Variants in NOD1 observed in about 807,000 individuals in gnomAD.
NOD1 encodes nucleotide-binding oligomerization domain-containing protein 1.
A neutral mutation model predicts 81.2 loss-of-function variants in NOD1; 70 were observed. The observed-to-expected ratio is 0.86, with a 90% CI of 0.71 to 1.05. The LOEUF is 1.05. Among genes scored for constraint, NOD1 ranks in the 50% least tolerant of loss-of-function variants. The pLI, the probability that NOD1 is intolerant of heterozygous loss-of-function variation, is 0.00. For synonymous variants in NOD1, 508 were observed against 526.9 expected (o/e 0.96, Z 0.49); for missense variants, 1,233 against 1,228.0 (o/e 1.00, Z -0.06).
At chr7:30,469,247 T>C (rs1287701726) in intron 1 of NOD1, 4 of 985,114 alleles carry the variant, frequency 4.1e-6, no homozygotes, top group African/African-American at 1.7e-5. Context: ...ATTTAGCAGA[T>C]GGATGAAGCT....
intron 5 of NOD1, among the ~76,000 whole-genome samples, chr7:30,453,559 C>T (rs973045877): frequency 1.3e-5 from 2 of 152,158 alleles, no homozygotes; most frequent in Non-Finnish European, 2.9e-5. Flanking sequence ...AGCTGGGACA[C>T]AGGCATATGC....
intron 11 of NOD1, among the ~76,000 whole-genome samples, chr7:30,434,414 C>T (rs1228679083): frequency 2.0e-5 from 3 of 152,116 alleles, no homozygotes; most frequent in East Asian, 1.9e-4. Flanking sequence ...GGCAGAGATG[C>T]GGCTAAACCG....
At chr7:30,458,063 C>T (rs1786569179) in intron 3 of NOD1, among the ~76,000 whole-genome samples, 1 of 152,042 alleles carries the variant, frequency 6.6e-6, no homozygotes, top group Non-Finnish European at 1.5e-5. Context: ...TCTCTGGAAA[C>T]CCTTGAAAAC....
intron 6 of NOD1, among the ~76,000 whole-genome samples, chr7:30,450,415 G>A (rs1785568178): frequency 6.6e-6 from 1 of 152,136 alleles, no homozygotes; most frequent in Non-Finnish European, 1.5e-5. Context: ...AATCCCTACT[G>A]CTTTTTAGAA....
At position 30,425,267 on chromosome 7, in the gene NOD1, C is replaced by A; in HGVS notation, c.*371G>T. The A allele has an allele frequency of 4.4e-6, 1 of 225,902 alleles. No individual in the cohort carries two copies. Among genetic ancestry groups the A allele is most frequent in the Non-Finnish European group, 8.8e-6 (1 of 113,718 alleles). The allele number at this position is 225,902 out of a possible 1,614,324, so 14.0% of individuals were successfully genotyped here. On this transcript the variant is annotated 3_prime_UTR_variant, in exon 14 of 14. Transcript: ENST00000222823. Reference sequence around the variant, plus strand: ...TCAATGAAAAGAGCGGTGACCAACTCGCTCCCGTTGGTCCCTATGGCAGGT... The same window carrying A: ...TCAATGAAAAGAGCGGTGACCAACTAGCTCCCGTTGGTCCCTATGGCAGGT...
At chr7:30,457,588 T>G in intron 3 of NOD1, among the ~76,000 whole-genome samples, 1 of 152,322 alleles carries the variant, frequency 6.6e-6, no homozygotes, top group Admixed American at 6.5e-5. Context: ...ATCTTTATTA[T>G]TACTATAAAG....
At chr7:30,462,924 G>A (rs1436363145) in intron 1 of NOD1, among the ~76,000 whole-genome samples, 3 of 150,098 alleles carry the variant, frequency 2.0e-5, no homozygotes, top group African/African-American at 7.4e-5. Flanking sequence ...ACTCCAGCCT[G>A]GGTGACAGAG....
At chr7:30,438,440 C>T (rs2970498) in intron 9 of NOD1, among the ~76,000 whole-genome samples, 40,662 of 152,122 alleles carry the variant, frequency 0.27, 5,546 homozygotes, top group Admixed American at 0.31. Context: ...TGAGGATTCA[C>T]TGAGTTAACA....
chr7:30,448,478 G>T, intron 6 of NOD1, 97 bp from the exon 7 acceptor site: 1 of 1,021,196 alleles, frequency 9.8e-7, no homozygotes, highest in Non-Finnish European at 1.5e-6. Flanking sequence ...AGGCCCTGGA[G>T]TTTTCTCAGG....
chr7:30,474,832 G>T (rs887419451), intron 1 of NOD1, among the ~76,000 whole-genome samples: 48 of 152,176 alleles, frequency 3.2e-4, no homozygotes, highest in Admixed American at 7.2e-4. Flanking sequence ...TGCATGTCTG[G>T]TATACTTTAT....
chr7:30,437,487 A>C, intron 10 of NOD1, 86 bp downstream of exon 10: 1 of 799,190 alleles, frequency 1.3e-6, no homozygotes, highest in Non-Finnish European at 1.9e-6. Flanking sequence ...CTCTTCTATT[A>C]GGAGCACGAA....
rs1349236154 is a variant in NOD1 at position 30,478,433 on chromosome 7, G to A, written c.-352+173C>T. ...GTGAAGTTCATCCCTCTCAACTTTC[G>A]CTACATGCTTCAAACTCGCGGGTTT... On this transcript the variant is annotated intron_variant, in intron 1 of 13. Coordinates refer to ENST00000222823, the MANE Select transcript of NOD1 (RefSeq NM_006092.4). This position sits in a 1 kb window ranked among gnomAD's most constrained non-coding sequence, Gnocchi z 4.1. Among the ~76,000 whole-genome samples, 1 of 152,138 alleles carries A rather than the reference G, an allele frequency of 6.6e-6. No individual in the cohort carries two copies. Among genetic ancestry groups the A allele is most frequent in the Non-Finnish European group, 1.5e-5 (1 of 68,026 alleles).
chr7:30,455,575 T>C (rs1480881346), intron 4 of NOD1, among the ~76,000 whole-genome samples: 2 of 149,780 alleles, frequency 1.3e-5, no homozygotes, highest in African/African-American at 4.9e-5. Flanking sequence ...CAAATAGCCA[T>C]GGACTTCTCT....
Position 30,456,968 on chromosome 7 carries a change from C to A in NOD1, c.-47G>T, listed in dbSNP as rs372450053. On this transcript the variant is annotated 5_prime_UTR_variant, in exon 4 of 14. Coordinates refer to ENST00000222823, the MANE Select transcript of NOD1 (RefSeq NM_006092.4). ...CTTTTCCCAAATTCATCTTCAGCTGCGTGTGTCCTCTCAGCAGAAGGGCAA... is the reference window on the plus strand; with the variant it reads ...CTTTTCCCAAATTCATCTTCAGCTGAGTGTGTCCTCTCAGCAGAAGGGCAA... 2.0e-6 allele frequency: 3 copies of A among 1,511,274 alleles called. No homozygotes were observed. Among genetic ancestry groups the A allele is most frequent in the Non-Finnish European group, 2.8e-6 (3 of 1,087,274 alleles). 93.6% of individuals were successfully genotyped at this position (1,511,274 alleles called of 1,614,324 possible). A position where few individuals can be genotyped will look rare whatever the true frequency, so the allele number is the denominator to read the frequency against.
chr7:30,435,577 A>G (rs918885843), intron 11 of NOD1, among the ~76,000 whole-genome samples: 4 of 152,172 alleles, frequency 2.6e-5, no homozygotes, highest in Non-Finnish European at 5.9e-5. Context: ...TGAAAGGCCT[A>G]GAGCCTTTCC....
chr7:30,453,088 C>G, intron 5 of NOD1, 48 bp from the exon 6 acceptor site: 1 of 1,550,404 alleles, frequency 6.4e-7, no homozygotes, highest in Non-Finnish European at 8.7e-7. Flanking sequence ...AGGAGAGAGG[C>G]AGAAACAGCA....
intron 13 of NOD1, among the ~76,000 whole-genome samples, chr7:30,426,674 G>T (rs571499448): frequency 2.0e-5 from 3 of 152,084 alleles, no homozygotes; most frequent in Non-Finnish European, 4.4e-5. Flanking sequence ...TGCACATCAT[G>T]ACCCACAGAT....
intron 9 of NOD1, 114 bp downstream of exon 9, chr7:30,446,027 C>T (rs1021984489): frequency 1.2e-5 from 10 of 815,824 alleles, no homozygotes; most frequent in Admixed American, 1.9e-5. Context: ...TATCTCTCCC[C>T]GACAGCGAGC....
Position 30,451,126 on chromosome 7 carries a change from G to A in NOD1, c.2201+90C>T. On this transcript the variant is annotated intron_variant, in intron 6 of 13. Coordinates refer to ENST00000222823, the MANE Select transcript of NOD1 (RefSeq NM_006092.4). This position sits in a 1 kb window ranked among gnomAD's most constrained non-coding sequence, Gnocchi z 4.2. ...TCCAAGGGCCATGGTCATGAGTCCT[G>A]GGGGATCCTGGTCCATGATGCCATT... 2.1e-6 allele frequency: 3 copies of A among 1,418,536 alleles called. No homozygotes were observed. Among genetic ancestry groups the A allele is most frequent in the Admixed American group, 2.1e-5 (1 of 47,908 alleles). 87.9% of individuals were successfully genotyped at this position (1,418,536 alleles called of 1,614,324 possible). A position where few individuals can be genotyped will look rare whatever the true frequency, so the allele number is the denominator to read the frequency against.
Sources: gnomAD v4.1 joint callset for allele counts (sites outside exome capture counted in the v4.1 genomes callset) on GRCh38, gnomAD v4.1.1 for gene constraint, Gnocchi (gnomAD v3.1) non-coding constraint, MANE v1.5 for transcripts, NCBI Gene and HGNC (gene_info 2026-07-23, HGNC 2026-07-21) for gene names.